Variants in SFXN1 observed in about 807,000 individuals in gnomAD.
The protein encoded by SFXN1 is sideroflexin-1.
Under a neutral mutation model 39.5 loss-of-function variants are expected in SFXN1, and 32 were observed. The observed-to-expected ratio is 0.81, with a 90% CI of 0.61 to 1.09. SFXN1 has a LOEUF of 1.09. SFXN1 is among the 50% of genes least tolerant of loss of function. SFXN1 has a pLI of 0.00. For synonymous variants in SFXN1, 136 were observed against 146.5 expected (o/e 0.93, Z 0.52); for missense variants, 402 against 407.1 (o/e 0.99, Z 0.11).
chr5:175,521,789 C>T (rs898679389), intron 8 of SFXN1, 130 bp from the exon 9 acceptor site: 16 of 698,816 alleles, frequency 2.3e-5, no homozygotes, highest in Non-Finnish European at 3.3e-5. Flanking sequence ...CAGCATTTCC[C>T]CCAAATTTCA....
intron 2 of SFXN1, among the ~76,000 whole-genome samples, chr5:175,508,379 C>T (rs1038854243): frequency 5.9e-5 from 9 of 151,886 alleles, no homozygotes; most frequent in Non-Finnish European, 1.2e-4. Context: ...GCATATGCCA[C>T]AATGCCTGAC....
chr5:175,509,071 G>A lies in SFXN1; in HGVS notation c.204G>A (p.Leu68=), dbSNP rs142548892. ...IVPPGLTENE[L]WRAKYIYDSA... ...CTCCTGGTCTTACAGAAAATGAATT[G>A]TGGAGAGCAAAGTACATCTATGATT... The change falls in exon 3 of 11, where the codon TTG becomes TTA. Residue 68 remains leucine, a synonymous_variant. Transcript: ENST00000321442. The A allele has an allele frequency of 4.2e-5, 68 of 1,612,266 alleles. No individual in the cohort carries two copies. The highest frequency in any genetic ancestry group is 5.6e-5 in the Non-Finnish European group (66 of 1,179,488).
intron 1 of SFXN1, among the ~76,000 whole-genome samples, chr5:175,479,452 C>T (rs1009439532): frequency 1.3e-5 from 2 of 152,148 alleles, no homozygotes; most frequent in African/African-American, 4.8e-5. Context: ...GTAAATACTG[C>T]GTTCTCAAAG....
intron 3 of SFXN1, 105 bp from the exon 4 acceptor site, chr5:175,510,004 C>A: frequency 2.3e-6 from 2 of 865,964 alleles, no homozygotes; most frequent in Admixed American, 2.2e-5. Flanking sequence ...GGCTTTCTCC[C>A]TTCCCCAGTA....
chr5:175,494,632 A>T (rs536915789), intron 2 of SFXN1, among the ~76,000 whole-genome samples: 2 of 152,140 alleles, frequency 1.3e-5, no homozygotes, highest in South Asian at 4.2e-4. Context: ...CATGTCTGTA[A>T]TTCCAGCTAC....
intron 8 of SFXN1, among the ~76,000 whole-genome samples, chr5:175,518,429 T>C (rs952298621): frequency 3.3e-5 from 5 of 152,196 alleles, no homozygotes; most frequent in African/African-American, 1.2e-4. Flanking sequence ...TGCCAAGCAA[T>C]ATGGTAGACA....
At position 175,522,363 on chromosome 5, in the gene SFXN1, AT is replaced by A. The variant is rs759514672; in HGVS notation, c.825-4del. On this transcript the variant is annotated splice_polypyrimidine_tract_variant and intron_variant, in intron 9 of 10. Coordinates refer to ENST00000321442, the MANE Select transcript of SFXN1 (RefSeq NM_022754.7). ...TTAAAATGGTCTGACTTTTTTTTGT[AT>A]TTTTTTTAAGTTTGGTGTTTGCTAC... 41 of 1,573,756 alleles carry A rather than the reference AT, an allele frequency of 2.6e-5. No individual in the cohort carries two copies. Among genetic ancestry groups the A allele is most frequent in the South Asian group, 4.8e-5 (4 of 84,198 alleles).
chr5:175,500,489 T>A (rs1193071859), intron 2 of SFXN1, among the ~76,000 whole-genome samples: 2 of 150,570 alleles, frequency 1.3e-5, no homozygotes, highest in Non-Finnish European at 3.0e-5. Flanking sequence ...TGGGTTTTTT[T>A]AAAAACTGGA....
chr5:175,479,719 T>C (rs1759159910), intron 1 of SFXN1, among the ~76,000 whole-genome samples: 1 of 152,204 alleles, frequency 6.6e-6, no homozygotes, highest in Non-Finnish European at 1.5e-5. Flanking sequence ...CGAAAAAGCC[T>C]AGCTCTGCTT....
intron 1 of SFXN1, among the ~76,000 whole-genome samples, chr5:175,482,049 C>G (rs1759273430): frequency 6.6e-6 from 1 of 152,146 alleles, no homozygotes; most frequent in South Asian, 2.1e-4. Context: ...GGGCATGGTA[C>G]TAAATTTCTC....
chr5:175,503,008 T>C (rs1760142479), intron 2 of SFXN1, among the ~76,000 whole-genome samples: 1 of 152,208 alleles, frequency 6.6e-6, no homozygotes, highest in African/African-American at 2.4e-5. Context: ...ACTGTATGAT[T>C]CCATTTGTGT....
At chr5:175,514,114 G>C (rs933303472) in intron 7 of SFXN1, among the ~76,000 whole-genome samples, 20 of 152,136 alleles carry the variant, frequency 1.3e-4, no homozygotes, top group South Asian at 4.1e-4. Context: ...TGTGACTCTG[G>C]GTGGTGGGTT....
intron 6 of SFXN1, among the ~76,000 whole-genome samples, 167 bp from the exon 7 acceptor site, chr5:175,513,296 T>TAAAAA (rs55761424): frequency 4.0e-4 from 26 of 65,278 alleles, no homozygotes; most frequent in African/African-American, 1.5e-3. Context: ...AGTGAGACTG[T>TAAAAA]AAAAAAAAAA....
chr5:175,512,027 A>T, intron 5 of SFXN1, 84 bp from the exon 6 acceptor site: 1 of 1,292,114 alleles, frequency 7.7e-7, no homozygotes, highest in Non-Finnish European at 1.1e-6. Flanking sequence ...TGCATTTTTC[A>T]GAGTTTTCAA....
At chr5:175,497,702 G>T (rs1377041357) in intron 2 of SFXN1, among the ~76,000 whole-genome samples, 1 of 152,054 alleles carries the variant, frequency 6.6e-6, no homozygotes, top group Admixed American at 6.6e-5. Flanking sequence ...GCCGAGACGG[G>T]TAGATCACCT....
intron 2 of SFXN1, 49 bp downstream of exon 2, chr5:175,492,316 G>A (rs1759689576): frequency 7.1e-7 from 1 of 1,408,344 alleles, no homozygotes; most frequent in Non-Finnish European, 9.4e-7. Context: ...AGATCATCAT[G>A]TTAGGCTGCT....
At chr5:175,481,879 GCC>G (rs71307047) in intron 1 of SFXN1, among the ~76,000 whole-genome samples, 12,699 of 152,216 alleles carry the variant, frequency 0.083, 890 homozygotes, top group African/African-American at 0.2. Context: ...CATAAAAAAG[GCC>G]ACTATATGCA....
chr5:175,489,234 G>A (rs983230287), intron 1 of SFXN1, among the ~76,000 whole-genome samples: 2 of 152,132 alleles, frequency 1.3e-5, no homozygotes, highest in African/African-American at 4.8e-5. Flanking sequence ...TTCAGAAATG[G>A]GAGGAAATTA....
At chr5:175,520,185 A>G (rs1239856690) in intron 8 of SFXN1, among the ~76,000 whole-genome samples, 1 of 151,002 alleles carries the variant, frequency 6.6e-6, no homozygotes, top group African/African-American at 2.4e-5. Flanking sequence ...TGAGTTTTTT[A>G]CTTCATTGAA....
Sources: gnomAD v4.1 joint callset for allele counts (sites outside exome capture counted in the v4.1 genomes callset) on GRCh38, gnomAD v4.1.1 for gene constraint, MANE v1.5 for transcripts, NCBI Gene and HGNC (gene_info 2026-07-23, HGNC 2026-07-21) for gene names.